Variants in RBFOX1 observed in about 807,000 individuals in gnomAD.
The protein encoded by RBFOX1 is RNA binding protein fox-1 homolog 1.
Under a neutral mutation model 57.7 loss-of-function variants are expected in RBFOX1, and 8 were observed. The observed-to-expected ratio is 0.14, with a 90% confidence interval of 0.08 to 0.25. RBFOX1 has a LOEUF of 0.25. Ranked by LOEUF, RBFOX1 falls within the 10% of genes least tolerant of loss-of-function variation. RBFOX1 has a pLI of 1.00. For synonymous variants in RBFOX1, 326 were observed against 222.4 expected (o/e 1.47, Z -4.15); for missense variants, 611 against 548.5 (o/e 1.11, Z -1.14).
chr16:6,834,955 C>T (rs546560880), intron 3 of RBFOX1, among the ~76,000 whole-genome samples: 11 of 148,008 alleles, frequency 7.4e-5, no homozygotes, highest in Admixed American at 1.4e-4. Context: ...TGCAGTGGCG[C>T]GATCTTGGTT....
chr16:5,551,640 CT>C (rs1567221191), intron 2 of RBFOX1, among the ~76,000 whole-genome samples: 1 of 152,074 alleles, frequency 6.6e-6, no homozygotes, highest in South Asian at 2.1e-4. Flanking sequence ...AATCTCAGCT[CT>C]TTTTTTTAAC....
intron 2 of RBFOX1, among the ~76,000 whole-genome samples, chr16:6,597,293 C>T (rs1482032277): frequency 6.6e-6 from 1 of 152,120 alleles, no homozygotes; most frequent in Admixed American, 6.6e-5. Flanking sequence ...GTTTTATACC[C>T]TAAAGCCATC....
At chr16:6,670,201 C>T (rs1035243075) in intron 3 of RBFOX1, among the ~76,000 whole-genome samples, 1 of 151,370 alleles carries the variant, frequency 6.6e-6, no homozygotes, top group African/African-American at 2.4e-5. Context: ...GTAGCTGGAA[C>T]CACAGGAGTG....
chr16:5,781,964 G>C (rs1821724), intron 3 of RBFOX1, among the ~76,000 whole-genome samples: 1 of 152,232 alleles, frequency 6.6e-6, no homozygotes, highest in Non-Finnish European at 1.5e-5. Flanking sequence ...CCAGCACTTA[G>C]GGAGGCCGAG....
chr16:6,313,450 G>C (rs1463503222), intron 1 of RBFOX1, among the ~76,000 whole-genome samples: 2 of 152,136 alleles, frequency 1.3e-5, no homozygotes, highest in Admixed American at 6.5e-5. Context: ...GTTCATGGCA[G>C]AATCTATGGA....
At chr16:6,275,793 A>G (rs768183071) in intron 1 of RBFOX1, among the ~76,000 whole-genome samples, 1 of 152,228 alleles carries the variant, frequency 6.6e-6, no homozygotes, top group Non-Finnish European at 1.5e-5. Context: ...TTGTCTGCCA[A>G]TTAGTATGAT....
chr16:5,363,028 A>G (rs892647970), intron 1 of RBFOX1, among the ~76,000 whole-genome samples: 2 of 132,434 alleles, frequency 1.5e-5, no homozygotes, highest in Admixed American at 1.6e-4. Context: ...GATGATTTTA[A>G]TTCTTTTTTT....
rs183849966 is a variant in RBFOX1, at chr16:6,900,934, A to T, written c.-15-151123A>T. Among the ~76,000 whole-genome samples the T allele has an allele frequency of 1.6e-4, 24 of 152,310 alleles. 1 individual carries two copies. The highest frequency in any genetic ancestry group is 1.5e-4 in the Non-Finnish European group (10 of 68,022). ...ATTTTGCACATGGTAAATGCTAATG[A>T]AAACATTTGTAGAAGGTGTGAATGC... On this transcript the variant is annotated intron_variant, in intron 3 of 15. Coordinates refer to ENST00000550418, the MANE Select transcript of RBFOX1 (RefSeq NM_018723.4).
intron 4 of RBFOX1, among the ~76,000 whole-genome samples, chr16:7,057,216 G>C (rs1197584917): frequency 2.0e-5 from 3 of 152,144 alleles, no homozygotes; most frequent in African/African-American, 7.2e-5. Flanking sequence ...CTCTGTATTT[G>C]ATTTCATGGT....
At chr16:6,773,812 C>A in intron 3 of RBFOX1, 1 of 227,686 alleles carries the variant, frequency 4.4e-6, no homozygotes, top group Non-Finnish European at 6.8e-6. Flanking sequence ...GAGTTTGGTG[C>A]ATTTGTGTTG....
chr16:5,306,407 C>T (rs1213801158), intron 1 of RBFOX1, among the ~76,000 whole-genome samples: 6 of 151,680 alleles, frequency 4.0e-5, no homozygotes, highest in South Asian at 2.1e-4. Context: ...GCAACCTCCT[C>T]CTCCTGGGTT....
intron 1 of RBFOX1, among the ~76,000 whole-genome samples, chr16:5,379,039 A>G (rs144609032): frequency 2.0e-5 from 3 of 151,622 alleles, no homozygotes; most frequent in Admixed American, 1.3e-4. Context: ...AGGTTGGCAC[A>G]AAAGTAATTG....
intron 1 of RBFOX1, among the ~76,000 whole-genome samples, chr16:6,161,271 C>G (rs145989811): frequency 5.3e-5 from 8 of 151,868 alleles, no homozygotes; most frequent in Non-Finnish European, 1.0e-4. Context: ...CGCCTGTAAT[C>G]CCAGCTACTC....
intron 2 of RBFOX1, among the ~76,000 whole-genome samples, chr16:6,621,930 A>G (rs527382863): frequency 1.7e-4 from 26 of 152,242 alleles, no homozygotes; most frequent in African/African-American, 6.3e-4. Flanking sequence ...GAGCTAAGAG[A>G]GAGTTATGGT....
At chr16:6,453,578 T>G (rs2094688002) in intron 2 of RBFOX1, among the ~76,000 whole-genome samples, 1 of 152,122 alleles carries the variant, frequency 6.6e-6, no homozygotes, top group Non-Finnish European at 1.5e-5. Context: ...ACCAGACGGA[T>G]TCACAGTAGA....
At chr16:7,673,533 C>A (rs1038783245) in intron 13 of RBFOX1, among the ~76,000 whole-genome samples, 1 of 152,086 alleles carries the variant, frequency 6.6e-6, no homozygotes, top group African/African-American at 2.4e-5. Flanking sequence ...ATAGTGAGAC[C>A]CCATCTCTAG....
At chr16:5,756,198 C>A (rs1412146572) in intron 3 of RBFOX1, among the ~76,000 whole-genome samples, 6 of 145,106 alleles carry the variant, frequency 4.1e-5, no homozygotes, top group Non-Finnish European at 7.4e-5. Context: ...TTCTGTGAAC[C>A]CCCTTCTTAC....
At chr16:7,373,488 G>C (rs1360269852) in intron 4 of RBFOX1, among the ~76,000 whole-genome samples, 4 of 152,168 alleles carry the variant, frequency 2.6e-5, no homozygotes, top group Non-Finnish European at 5.9e-5. Context: ...TGGCAGAATA[G>C]ATGGTGTTAA....
In RBFOX1 at chr16:6,501,553, G is replaced by C. The variant is rs570871412; in HGVS notation, c.-63-153050G>C. Among the ~76,000 whole-genome samples, 10 of 151,920 alleles carry C rather than the reference G, an allele frequency of 6.6e-5. No individual in the cohort carries two copies. In the East Asian group the frequency reaches 1.9e-3, roughly 30 times the overall value. Reference sequence around the variant, plus strand: ...CCAGTCTATCATTGTTGGACATTTGGGTTGGTTCCAAGTCTTTGCTATTGT... The same window carrying C: ...CCAGTCTATCATTGTTGGACATTTGCGTTGGTTCCAAGTCTTTGCTATTGT... On this transcript the variant is annotated intron_variant, in intron 2 of 15. Coordinates refer to ENST00000550418, the MANE Select transcript of RBFOX1 (RefSeq NM_018723.4).
Sources: allele counts gnomAD v4.1 joint callset (sites outside exome capture counted in the v4.1 genomes callset), GRCh38; gene constraint gnomAD v4.1.1; transcripts MANE v1.5; gene names NCBI Gene and HGNC (gene_info 2026-07-23, HGNC 2026-07-21).